The following ZUP1 variants were observed in gnomAD, a reference collection of about 807,000 sequenced individuals.
The protein encoded by ZUP1 is zinc finger-containing ubiquitin peptidase 1.
In ZUP1, 55 loss-of-function variants were observed where a neutral mutation model predicts 68.1. That is an observed-to-expected ratio of 0.81 (90% confidence interval 0.65 to 1.01). ZUP1 has a LOEUF of 1.01. Ranked by LOEUF, ZUP1 falls within the 50% of genes least tolerant of loss-of-function variation. The probability of loss-of-function intolerance (pLI) is 0.00; values close to 1 mark genes in which losing one functional copy is unlikely to be tolerated. For missense variants in ZUP1, 684 were observed against 674.9 expected (o/e 1.01, Z -0.15); for synonymous variants, 223 against 221.5 (o/e 1.01, Z -0.06).
At chr6:116,656,462 C>G (rs9387427) in intron 5 of ZUP1, among the ~76,000 whole-genome samples, 97,854 of 152,108 alleles carry the variant, frequency 0.64, 32,875 homozygotes, top group African/African-American at 0.85. Context: ...TCTTAGCACT[C>G]TCTAGAGCAT....
At chr6:116,653,746 C>T (rs888102617) in intron 5 of ZUP1, among the ~76,000 whole-genome samples, 1 of 151,704 alleles carries the variant, frequency 6.6e-6, no homozygotes, top group East Asian at 1.9e-4. Flanking sequence ...TTGAGGCAGC[C>T]CTTTAAGAAT....
Position 116,667,040 on chromosome 6 carries a change from A to G in ZUP1, c.153T>C (p.Ala51=). Reference sequence around the variant, plus strand: ...TTTCAAGTGTATTCTGCTCAAAATGAGCTGTTTCGATATGAAAACACATTT... The same window carrying G: ...TTTCAAGTGTATTCTGCTCAAAATGGGCTGTTTCGATATGAAAACACATTT... ...YDEMCFHIET[A]HFEQNTLERN... is the part of the protein sequence containing the mutation. The change falls in exon 2 of 10, where the codon GCT becomes GCC. Residue 51 remains alanine (A), a synonymous_variant. Coordinates refer to ENST00000368576, the MANE Select transcript of ZUP1 (RefSeq NM_145062.3). 1 of 1,613,766 alleles carries G rather than the reference A, an allele frequency of 6.2e-7. No individual in the cohort carries two copies. Among genetic ancestry groups the G allele is most frequent in the Non-Finnish European group, 8.5e-7 (1 of 1,179,852 alleles).
chr6:116,654,320 T>C (rs1351457760), intron 5 of ZUP1, among the ~76,000 whole-genome samples: 3 of 151,908 alleles, frequency 2.0e-5, no homozygotes, highest in African/African-American at 7.2e-5. Context: ...ATTCAATAAA[T>C]GGTAGTGAAA....
chr6:116,640,708 C>A lies in ZUP1; in HGVS notation c.1690-4829G>T, dbSNP rs1261141784. Among the ~76,000 whole-genome samples the A allele has an allele frequency of 5.3e-5, 8 of 151,936 alleles. 1 individual carries two copies. Among genetic ancestry groups the A allele is most frequent in the Admixed American group, 4.6e-4 (7 of 15,266 alleles). ...AGGAAGCACTAAACATGGAAAGGCA[C>A]AACCGGTACCAGCCACTGCAAAATC... On this transcript the variant is annotated intron_variant, in intron 9 of 9. Coordinates refer to ENST00000368576, the MANE Select transcript of ZUP1 (RefSeq NM_145062.3).
intron 4 of ZUP1, among the ~76,000 whole-genome samples, chr6:116,658,574 A>C (rs1180677739): frequency 6.6e-6 from 1 of 152,312 alleles, no homozygotes; most frequent in South Asian, 2.1e-4. Flanking sequence ...GGGGCGTGGG[A>C]GGGCCTAAAG....
In ZUP1 at chr6:116,656,802, T is replaced by C. The variant is rs1478375697; in HGVS notation, c.843A>G (p.Arg281=). 2 of 1,610,350 alleles carry C rather than the reference T, an allele frequency of 1.2e-6. No individual in the cohort carries two copies. The highest frequency in any genetic ancestry group is 3.3e-5 in the Admixed American group (2 of 59,746). Residue 281 remains arginine, a synonymous_variant, in exon 5 of 10, where the codon CGA becomes CGG. Transcript: ENST00000368576. ...NSGGYKQQQL[R]NMEIEVNRGR... is the part of the protein sequence containing the mutation. ...CCCTATTTACTTCTATCTCCATATTTCGTAGTTGTTGTTGTTTGTATCCTC... is the reference window on the plus strand; with the variant it reads ...CCCTATTTACTTCTATCTCCATATTCCGTAGTTGTTGTTGTTTGTATCCTC...
At chr6:116,643,284 T>G (rs1197819797) in intron 9 of ZUP1, among the ~76,000 whole-genome samples, 5 of 151,898 alleles carry the variant, frequency 3.3e-5, no homozygotes, top group Non-Finnish European at 7.4e-5. Flanking sequence ...ATAGATTCAA[T>G]GCCATCCCCA....
Position 116,666,779 on chromosome 6 carries a change from G to A in ZUP1, c.414C>T (p.Ser138=). The part of the protein sequence containing the change: ...KFLKSREKQS[S]LTEIKGSVYE... The stretch of plus-strand genomic sequence containing the variant: ...AAACAGATCCTTTTATTTCGGTCAG[G>A]CTGGACTGTTTTTCCCTACTTTTCA... The change falls in exon 2 of 10, where the codon AGC becomes AGT. Residue 138 remains serine, a synonymous_variant. Coordinates refer to ENST00000368576, the MANE Select transcript of ZUP1 (RefSeq NM_145062.3). The A allele has an allele frequency of 6.2e-7, 1 of 1,613,820 alleles. No individual in the cohort carries two copies. Among genetic ancestry groups the A allele is most frequent in the Non-Finnish European group, 8.5e-7 (1 of 1,179,902 alleles).
At chr6:116,655,299 T>C (rs1386909481) in intron 5 of ZUP1, among the ~76,000 whole-genome samples, 1 of 152,184 alleles carries the variant, frequency 6.6e-6, no homozygotes, top group African/African-American at 2.4e-5. Context: ...AGAACCAATA[T>C]ATTTGAGCAA....
At chr6:116,647,383 AC>A (rs11325619) in intron 8 of ZUP1, 75 bp downstream of exon 8, 151,807 of 1,296,452 alleles carry the variant, frequency 0.12, 9,670 homozygotes, top group South Asian at 0.17. Flanking sequence ...CAAACAAAAA[AC>A]CTTAACCTGT....
In ZUP1 at chr6:116,667,035, A is replaced by C. The variant is rs1562414516; in HGVS notation, c.158T>G (p.Phe53Cys). Residue 53 changes from phenylalanine to cysteine, a missense_variant, in exon 2 of 10, where the codon TTT (phenylalanine) becomes TGT (cysteine). Transcript: ENST00000368576. ...GTTTCTTTCAAGTGTATTCTGCTCA[A>C]AATGAGCTGTTTCGATATGAAAACA... ...EMCFHIETAH[F>C]EQNTLERNFE... is the part of the protein sequence containing the mutation. 1.2e-6 allele frequency: 2 copies of C among 1,613,730 alleles called. No homozygotes were observed. Among genetic ancestry groups the C allele is most frequent in the Non-Finnish European group, 1.7e-6 (2 of 1,179,842 alleles).
chr6:116,649,842 T>C (rs1469601723), intron 7 of ZUP1, among the ~76,000 whole-genome samples: 2 of 152,164 alleles, frequency 1.3e-5, no homozygotes, highest in African/African-American at 4.8e-5. Flanking sequence ...ACTCTCTGAA[T>C]GGACAACTAA....
chr6:116,662,520 T>C (rs910999646), intron 2 of ZUP1, among the ~76,000 whole-genome samples: 2 of 152,174 alleles, frequency 1.3e-5, no homozygotes, highest in Non-Finnish European at 2.9e-5. Context: ...GGCAGTGTCT[T>C]AACAATCTTT....
chr6:116,662,788 A>T (rs994051386), intron 2 of ZUP1, among the ~76,000 whole-genome samples: 1 of 152,158 alleles, frequency 6.6e-6, no homozygotes, highest in African/African-American at 2.4e-5. Flanking sequence ...TAGAAGAGGC[A>T]TCCCCTTTGC....
chr6:116,636,266 C>T (rs1321531), intron 9 of ZUP1, among the ~76,000 whole-genome samples: 55,375 of 151,800 alleles, frequency 0.36, 10,749 homozygotes, highest in African/African-American at 0.5. Flanking sequence ...GTCTTAAAAA[C>T]GTCACTTCAA....
chr6:116,661,193 A>G (rs747053531), intron 2 of ZUP1, among the ~76,000 whole-genome samples: 2 of 151,934 alleles, frequency 1.3e-5, no homozygotes, highest in Non-Finnish European at 2.9e-5. Context: ...TTTTATTTTT[A>G]TAACTTTTAG....
chr6:116,641,795 C>G (rs1211393045), intron 9 of ZUP1, among the ~76,000 whole-genome samples: 2 of 151,974 alleles, frequency 1.3e-5, no homozygotes, highest in Non-Finnish European at 1.5e-5. Context: ...AAAGCAAGAG[C>G]AAACACATTC....
intron 7 of ZUP1, among the ~76,000 whole-genome samples, chr6:116,648,924 C>T (rs1045456955): frequency 6.6e-6 from 1 of 150,806 alleles, no homozygotes; most frequent in Admixed American, 6.6e-5. Context: ...GAGCCAAGAT[C>T]GCGCCACTGC....
rs770183211 is a variant in ZUP1 at position 116,645,713 on chromosome 6, C to G, written c.1689+1G>C. 1 of 1,587,010 alleles carries G rather than the reference C, an allele frequency of 6.3e-7. No individual in the cohort carries two copies. Among genetic ancestry groups the G allele is most frequent in the African/African-American group, 1.4e-5 (1 of 73,560 alleles). The stretch of plus-strand genomic sequence containing the variant: ...TCACATATAAATATTTAGATACTTA[C>G]AAGTTTCTCCTCTAGAGAAAGAGCA... On this transcript the variant is annotated splice_donor_variant, in intron 9 of 9. Coordinates refer to ENST00000368576, the MANE Select transcript of ZUP1 (RefSeq NM_145062.3). LOFTEE classifies it high-confidence loss of function.
Sources: gnomAD v4.1 joint callset for allele counts (sites outside exome capture counted in the v4.1 genomes callset) on GRCh38, gnomAD v4.1.1 for gene constraint, MANE v1.5 for transcripts, NCBI Gene and HGNC (gene_info 2026-07-23, HGNC 2026-07-21) for gene names.